Variants in ZNF385B observed in about 807,000 individuals in gnomAD.
ZNF385B encodes zinc finger protein 385B.
ZNF385B carries 23 observed loss-of-function variants against 39.2 expected under a neutral mutation model. The ratio of observed to expected loss-of-function variants is 0.59; its 90% confidence interval spans 0.42 to 0.83. ZNF385B has a LOEUF of 0.83. Ranked by LOEUF, ZNF385B falls within the 40% of genes least tolerant of loss-of-function variation. The probability of loss-of-function intolerance (pLI) is 0.00; values close to 1 mark genes in which losing one functional copy is unlikely to be tolerated. For missense variants in ZNF385B, 552 were observed against 598.9 expected (o/e 0.92, Z 0.82); for synonymous variants, 205 against 222.6 (o/e 0.92, Z 0.70).
chr2:179,688,710 GATACA>G (rs1698121181), intron 3 of ZNF385B, among the ~76,000 whole-genome samples: 1 of 151,984 alleles, frequency 6.6e-6, no homozygotes, highest in African/African-American at 2.4e-5. Context: ...ATTTTTTGAG[GATACA>G]ATACATTGTT....
At chr2:179,753,418 T>C (rs998551330) in intron 3 of ZNF385B, among the ~76,000 whole-genome samples, 1 of 152,174 alleles carries the variant, frequency 6.6e-6, no homozygotes, top group African/African-American at 2.4e-5. Context: ...CTTGGCAATG[T>C]GGGCTCTTTT....
chr2:179,748,750 T>C lies in ZNF385B; in HGVS notation c.298+20753A>G, dbSNP rs560854783. ...CTTGGAGTCTTTCTTATGACTACACTTCCCAAATAAATACTTTTCTTTCAG... is the reference window on the plus strand; with the variant it reads ...CTTGGAGTCTTTCTTATGACTACACCTCCCAAATAAATACTTTTCTTTCAG... On this transcript the variant is annotated intron_variant, in intron 3 of 9. Transcript: ENST00000410066. Among the ~76,000 whole-genome samples the C allele has an allele frequency of 2.1e-4, 32 of 152,268 alleles. 1 individual carries two copies. In the South Asian group the frequency reaches 6.6e-3, roughly 32 times the overall value.
chr2:179,490,316 A>AACACACAC (rs143318849), intron 5 of ZNF385B, among the ~76,000 whole-genome samples: 55 of 150,078 alleles, frequency 3.7e-4, no homozygotes, highest in African/African-American at 1.2e-3. Context: ...TACACACACA[A>AACACACAC]ACACACACAC....
At position 179,859,759 on chromosome 2, in the gene ZNF385B, C is replaced by T. The variant is rs538419603; in HGVS notation, c.-155+1342G>A. Reference sequence around the variant, plus strand: ...TAAGCATCTTTTTCATCTTAAAAACCTCAAGTAACAGAACTTGCAATGCTG... The same window carrying T: ...TAAGCATCTTTTTCATCTTAAAAACTTCAAGTAACAGAACTTGCAATGCTG... On this transcript the variant is annotated intron_variant, in intron 1 of 9. Transcript: ENST00000410066. Among the ~76,000 whole-genome samples, 10 of 152,216 alleles carry T rather than the reference C, an allele frequency of 6.6e-5. No individual in the cohort carries two copies. In the East Asian group the frequency reaches 1.9e-3, roughly 29 times the overall value.
At chr2:179,849,971 C>T (rs1296052558) in intron 1 of ZNF385B, among the ~76,000 whole-genome samples, 1 of 152,074 alleles carries the variant, frequency 6.6e-6, no homozygotes, top group Non-Finnish European at 1.5e-5. Context: ...AGAGCTCAAC[C>T]CTTGTGTGAA....
At chr2:179,787,994 C>T (rs1372914310) in intron 1 of ZNF385B, among the ~76,000 whole-genome samples, 4 of 152,096 alleles carry the variant, frequency 2.6e-5, no homozygotes, top group Non-Finnish European at 5.9e-5. Context: ...TTAAAAGTCA[C>T]AGAAGTTGTA....
chr2:179,559,081 A>C (rs1208739227), intron 3 of ZNF385B, among the ~76,000 whole-genome samples: 2 of 152,194 alleles, frequency 1.3e-5, no homozygotes, highest in African/African-American at 4.8e-5. Context: ...TTCTTGTTAG[A>C]AATTTCCTAA....
At chr2:179,775,095 C>T (rs1251679174) in intron 1 of ZNF385B, among the ~76,000 whole-genome samples, 1 of 152,160 alleles carries the variant, frequency 6.6e-6, no homozygotes, top group African/African-American at 2.4e-5. Context: ...AAGTTGAGTT[C>T]TGAGTACCAG....
intron 3 of ZNF385B, among the ~76,000 whole-genome samples, chr2:179,670,316 G>T (rs1695785645): frequency 6.9e-6 from 1 of 144,210 alleles, no homozygotes; most frequent in Non-Finnish European, 1.5e-5. Context: ...AAAAAATCAT[G>T]GTGCTAATAC....
chr2:179,674,018 T>C (rs565995361), intron 3 of ZNF385B, among the ~76,000 whole-genome samples: 2 of 152,214 alleles, frequency 1.3e-5, no homozygotes, highest in Admixed American at 1.3e-4. Context: ...TTACTATATA[T>C]GTTATTATAT....
rs962960111 is a variant in ZNF385B at position 179,518,393 on chromosome 2, T to C, written c.552+135A>G. The C allele has an allele frequency of 3.4e-5, 22 of 642,354 alleles. No individual in the cohort carries two copies. The East Asian group carries it at 6.5e-4, about 19-fold the overall frequency. 39.8% of individuals were successfully genotyped at this position (642,354 alleles called of 1,614,324 possible). A position where few individuals can be genotyped will look rare whatever the true frequency, so the allele number is the denominator to read the frequency against. ...ATTGAACCCAAATCCTTTGGAAATC[T>C]GGCATCCTGAAATTAGTGGGCTACC... On this transcript the variant is annotated intron_variant, in intron 5 of 9. Coordinates refer to ENST00000410066, the MANE Select transcript of ZNF385B (RefSeq NM_152520.6).
At chr2:179,616,356 C>T (rs1181414391) in intron 3 of ZNF385B, among the ~76,000 whole-genome samples, 1 of 152,130 alleles carries the variant, frequency 6.6e-6, no homozygotes, top group Non-Finnish European at 1.5e-5. Context: ...CTTTTTGAGA[C>T]AGAGTCTTGC....
chr2:179,819,912 T>C (rs1707301710), intron 1 of ZNF385B, among the ~76,000 whole-genome samples: 1 of 152,204 alleles, frequency 6.6e-6, no homozygotes, highest in Non-Finnish European at 1.5e-5. Flanking sequence ...TTGCACGAGG[T>C]ACTTCCCCTA....
intron 3 of ZNF385B, chr2:179,562,503 G>A (rs990808480): frequency 2.0e-6 from 2 of 985,230 alleles, no homozygotes; most frequent in Non-Finnish European, 2.4e-6. Flanking sequence ...TGGTGCTCCC[G>A]TGAAATGTGG....
chr2:179,585,253 G>C (rs1686963611), intron 3 of ZNF385B, among the ~76,000 whole-genome samples: 2 of 152,286 alleles, frequency 1.3e-5, no homozygotes, highest in African/African-American at 4.8e-5. Context: ...CATGAGTTCT[G>C]TCTTCAGGTT....
chr2:179,601,451 A>G (rs2106104413), intron 3 of ZNF385B, among the ~76,000 whole-genome samples: 1 of 152,278 alleles, frequency 6.6e-6, no homozygotes, highest in South Asian at 2.1e-4. Context: ...CTGACTTTTA[A>G]CATAATAGCA....
At chr2:179,715,327 C>T (rs769818465) in intron 3 of ZNF385B, among the ~76,000 whole-genome samples, 2 of 152,146 alleles carry the variant, frequency 1.3e-5, no homozygotes, top group Admixed American at 6.5e-5. Flanking sequence ...AGTCCATACC[C>T]CACCTCTGAT....
chr2:179,820,421 G>T (rs1057178384), intron 1 of ZNF385B, among the ~76,000 whole-genome samples: 14 of 151,518 alleles, frequency 9.2e-5, no homozygotes, highest in African/African-American at 3.4e-4. Flanking sequence ...TCATATCATT[G>T]TTTGATTTTA....
intron 3 of ZNF385B, among the ~76,000 whole-genome samples, chr2:179,719,789 G>A (rs1007108669): frequency 1.3e-5 from 2 of 152,116 alleles, no homozygotes; most frequent in African/African-American, 4.8e-5. Context: ...TAAGAAATGA[G>A]ATCTCACAAA....
Sources: gnomAD v4.1 joint callset for allele counts (sites outside exome capture counted in the v4.1 genomes callset) on GRCh38, gnomAD v4.1.1 for gene constraint, MANE v1.5 for transcripts, NCBI Gene and HGNC (gene_info 2026-07-23, HGNC 2026-07-21) for gene names.